FAHD1: variants seen among roughly 807,000 people sequenced by gnomAD.
FAHD1 encodes the protein FAH domain containing oxaloacetate decarboxylase 1, also known as oxaloacetate tautomerase FAHD1, mitochondrial.
In FAHD1, 14 loss-of-function variants were observed where a neutral mutation model predicts 12.7. The ratio of observed to expected loss-of-function variants is 1.10; its 90% CI spans 0.73 to 1.72. The LOEUF (loss-of-function observed/expected upper bound fraction) is 1.72. Ranked by LOEUF, FAHD1 falls within the 40% of genes most tolerant of loss-of-function variation. The probability of loss-of-function intolerance (pLI) is 0.00; values close to 1 mark genes in which losing one functional copy is unlikely to be tolerated. For missense variants in FAHD1, 351 were observed against 298.9 expected (o/e 1.17, Z -1.29); for synonymous variants, 153 against 124.9 (o/e 1.22, Z -1.50).
exon 1 of FAHD1, chr16:1,827,341 G>C (rs1438849810): frequency 6.2e-7 from 1 of 1,613,024 alleles, no homozygotes; most frequent in Non-Finnish European, 8.5e-7. Context: ...GCGCAGCGCG[G>C]TGTTGAGCGA....
chr16:1,837,925 A>G, intron 1 of FAHD1: 2 of 1,458,202 alleles, frequency 1.4e-6, no homozygotes, highest in Non-Finnish European at 1.8e-6. Context: ...AAGAAAATTC[A>G]TTTTTGACAA....
chr16:1,827,875 A>T, exon 1 of FAHD1: 1 of 1,613,638 alleles, frequency 6.2e-7, no homozygotes, highest in Non-Finnish European at 8.5e-7. Context: ...GGTCAGTATG[A>T]CATTTAAAGT....
At chr16:1,828,484 C>T in exon 1 of FAHD1, 1 of 1,000,606 alleles carries the variant, frequency 1.0e-6, no homozygotes, top group South Asian at 4.7e-5. Context: ...TTAGAGAAGA[C>T]TTTTCAGTGG....
Position 1,839,585 on chromosome 16 carries a change from C to T in FAHD1, c.*332C>T, listed in dbSNP as rs907344900. 1.0e-4 allele frequency: 68 copies of T among 664,968 alleles called. No individual in the cohort carries two copies. The Middle Eastern group carries it at 2.6e-3, about 25-fold the overall frequency. 41.2% of individuals were successfully genotyped at this position (664,968 alleles called of 1,614,324 possible). ...AGTGCTATGCGGTCTACAAGACAGT[C>T]GTAAAAAACAGTAAAACACACTTTC... On this transcript the variant is annotated 3_prime_UTR_variant, in exon 3 of 3. Coordinates refer to the FAHD1 transcript ENST00000382666.
chr16:1,829,630 G>C (rs1291076086), downstream of FAHD1, among the ~76,000 whole-genome samples: 1 of 151,914 alleles, frequency 6.6e-6, no homozygotes, highest in East Asian at 1.9e-4. Flanking sequence ...TCTTTATTAA[G>C]TATCATGCTA....
chr16:1,827,959 G>C, exon 1 of FAHD1: 4 of 1,570,950 alleles, frequency 2.5e-6, no homozygotes, highest in Non-Finnish European at 3.5e-6. Context: ...GCAAGCAACG[G>C]CTATTAAATG....
At chr16:1,835,159 C>T (rs1186585907) in intron 1 of FAHD1, among the ~76,000 whole-genome samples, 1 of 151,770 alleles carries the variant, frequency 6.6e-6, no homozygotes, top group South Asian at 2.1e-4. Flanking sequence ...GTGGCTGAGG[C>T]GGGAGGATCA....
intron 1 of FAHD1, chr16:1,837,721 T>C: frequency 3.5e-6 from 3 of 859,226 alleles, no homozygotes; most frequent in Non-Finnish European, 5.3e-6. Flanking sequence ...AGGTTTTTCT[T>C]ATGGTTTGAA....
intron 1 of FAHD1, among the ~76,000 whole-genome samples, chr16:1,837,530 C>T (rs979327416): frequency 1.3e-5 from 2 of 152,132 alleles, no homozygotes; most frequent in Non-Finnish European, 2.9e-5. Flanking sequence ...GCCCTTTCCC[C>T]TGTTTTGGAT....
At chr16:1,830,760 A>G (rs996436782), downstream of FAHD1, among the ~76,000 whole-genome samples, 2 of 152,206 alleles carry the variant, frequency 1.3e-5, no homozygotes, top group African/African-American at 2.4e-5. Flanking sequence ...ATTTAAACCT[A>G]TGAAAAAGTT....
At chr16:1,834,860 G>A (rs10468421) in intron 1 of FAHD1, among the ~76,000 whole-genome samples, 27,025 of 151,996 alleles carry the variant, frequency 0.18, 2,577 homozygotes, top group South Asian at 0.27. Flanking sequence ...CCTTGAACCC[G>A]GGAGGCAGAG....
At chr16:1,828,689 C>T (rs1229857196) in exon 1 of FAHD1, 10 of 921,038 alleles carry the variant, frequency 1.1e-5, no homozygotes, top group Admixed American at 6.2e-5. Flanking sequence ...TAGGATTAAT[C>T]TCCAGTGAAG....
At position 1,834,421 on chromosome 16, in the gene FAHD1, A is replaced by T. The variant is rs369389214; in HGVS notation, c.628-3595A>T. On this transcript the variant is annotated intron_variant, in intron 1 of 2. Transcript: ENST00000382666. ...AGGTTAATTTTTAAAATCCCCTTGT[A>T]TATCAAGTTGAAAAATCAATGATCA... The T allele has an allele frequency of 4.7e-5, 44 of 944,982 alleles. 1 individual carries two copies. In the East Asian group the frequency reaches 5.3e-4, roughly 11 times the overall value. The allele number at this position is 944,982 out of a possible 1,614,324, so 58.5% of individuals were successfully genotyped here. A position where few individuals can be genotyped will look rare whatever the true frequency, so the allele number is the denominator to read the frequency against.
At chr16:1,827,946 A>G (rs1183843907) in exon 1 of FAHD1, 1 of 1,586,056 alleles carries the variant, frequency 6.3e-7, no homozygotes, top group Non-Finnish European at 8.6e-7. Context: ...GAGCAAGACA[A>G]GAGCAAGCAA....
chr16:1,828,663 T>G, exon 1 of FAHD1: 1 of 947,002 alleles, frequency 1.1e-6, no homozygotes, highest in Non-Finnish European at 1.3e-6. Flanking sequence ...ATCTCGGACT[T>G]GCTGAATCAA....
At chr16:1,837,821 C>T (rs1223920881) in intron 1 of FAHD1, 7 of 1,536,718 alleles carry the variant, frequency 4.6e-6, no homozygotes, top group Non-Finnish European at 4.4e-6. Flanking sequence ...GAGAAATTGC[C>T]ACTTTAATGC....
chr16:1,827,530 C>T (rs762745175), exon 1 of FAHD1: 35 of 1,613,094 alleles, frequency 2.2e-5, no homozygotes, highest in Admixed American at 5.0e-5. Flanking sequence ...TGCCCTGTGC[C>T]TGGATATGAC....
chr16:1,833,062 C>T (rs1296678448), downstream of FAHD1, among the ~76,000 whole-genome samples: 1 of 152,074 alleles, frequency 6.6e-6, no homozygotes, highest in African/African-American at 2.4e-5. Context: ...GGCATGTAGC[C>T]TTCTAAAGTA....
At chr16:1,832,418 A>G (rs1898638675), downstream of FAHD1, among the ~76,000 whole-genome samples, 1 of 148,784 alleles carries the variant, frequency 6.7e-6, no homozygotes, top group South Asian at 2.1e-4. Context: ...TGATCCACCC[A>G]CCTCAGCCTC....
Sources: allele counts gnomAD v4.1 joint callset (sites outside exome capture counted in the v4.1 genomes callset), GRCh38; gene constraint gnomAD v4.1.1; transcripts MANE v1.5; gene names NCBI Gene and HGNC (gene_info 2026-07-23, HGNC 2026-07-21).